The following SLC26A1 variants were observed in gnomAD, a reference collection of about 807,000 sequenced individuals.
The protein encoded by SLC26A1 is sulfate anion transporter 1.
Under a neutral mutation model 14.5 loss-of-function variants are expected in SLC26A1, and 18 were observed. That is an observed-to-expected ratio of 1.24 (90% confidence interval 0.86 to 1.84). The LOEUF is 1.84. Among genes scored for constraint, SLC26A1 ranks in the 40% most tolerant of loss-of-function variants. SLC26A1 has a pLI of 0.00. For missense variants in SLC26A1, 1,049 were observed against 1,020.0 expected (o/e 1.03, Z -0.39); for synonymous variants, 505 against 492.0 (o/e 1.03, Z -0.35).
At chr4:992,561 C>G (rs1414673611) in intron 1 of SLC26A1, among the ~76,000 whole-genome samples, 2 of 152,246 alleles carry the variant, frequency 1.3e-5, no homozygotes, top group African/African-American at 4.8e-5. Flanking sequence ...GCGTCTGTCT[C>G]CCCTGCCCAG....
downstream of SLC26A1, chr4:987,184 G>C (rs1713794298): frequency 6.8e-7 from 1 of 1,473,610 alleles, no homozygotes; most frequent in East Asian, 3.0e-5. Context: ...CCTGGTGCAT[G>C]TGGACGCGGC....
rs1286082764 is a variant in SLC26A1, at chr4:987,935, G to A, written c.*898C>T. On this transcript the variant is annotated 3_prime_UTR_variant, in exon 3 of 3. Transcript: ENST00000398516. Reference sequence around the variant, plus strand: ...AGGTCCGGACCCACTGGCTGCTGGAGCTTGTCACCACCAGGTGGGCGGCGG... The same window carrying A: ...AGGTCCGGACCCACTGGCTGCTGGAACTTGTCACCACCAGGTGGGCGGCGG... The A allele has an allele frequency of 6.3e-7, 1 of 1,588,426 alleles. No individual in the cohort carries two copies. The highest frequency in any genetic ancestry group is 1.3e-5 in the African/African-American group (1 of 74,438).
rs539829897 is a variant in SLC26A1 at position 979,375 on chromosome 4, G to C, written c.*31C>G. 1.1e-4 allele frequency: 130 copies of C among 1,237,028 alleles called. 1 individual carries two copies. Among genetic ancestry groups the C allele is most frequent in the Non-Finnish European group, 8.3e-5 (71 of 855,358 alleles). The allele number at this position is 1,237,028 out of a possible 1,614,324, so 76.6% of individuals were successfully genotyped here. On this transcript the variant is annotated 3_prime_UTR_variant, in exon 3 of 3. Coordinates refer to the SLC26A1 transcript ENST00000398520. Reference sequence around the variant, plus strand: ...GCTGGTGTGAGGGTCCCGCATTCTCGATGTCGTTGATGTCGGCATTTCCTG... The same window carrying C: ...GCTGGTGTGAGGGTCCCGCATTCTCCATGTCGTTGATGTCGGCATTTCCTG...
downstream of SLC26A1, among the ~76,000 whole-genome samples, chr4:985,247 C>T (rs867895412): frequency 3.9e-5 from 6 of 152,380 alleles, no homozygotes; most frequent in Admixed American, 1.3e-4. Flanking sequence ...AGCAGCGTGT[C>T]GCCATGTCTT....
chr4:981,254 C>T (rs915032620), intron 2 of SLC26A1, among the ~76,000 whole-genome samples: 1 of 152,244 alleles, frequency 6.6e-6, no homozygotes, highest in Non-Finnish European at 1.5e-5. Context: ...ACACGCAGTC[C>T]AGTATCTTTT....
At chr4:990,409 C>A in intron 2 of SLC26A1, 47 bp from the exon 3 acceptor site, 3 of 1,513,512 alleles carry the variant, frequency 2.0e-6, no homozygotes, top group Non-Finnish European at 2.7e-6. Context: ...GCGGGAGCCA[C>A]CTGCCCCTCA....
At chr4:987,144 G>A (rs10902762), downstream of SLC26A1, 601,388 of 1,407,440 alleles carry the variant, frequency 0.43, 130,017 homozygotes, top group Admixed American at 0.53. Flanking sequence ...TCCTGGCCGC[G>A]CCCCCGGTGG....
rs387907479 is a variant in SLC26A1 at position 989,430 on chromosome 4, G to A, written c.1509C>T (p.Gly503=). 6.4e-7 allele frequency: 1 copy of A among 1,554,730 alleles called. No individual in the cohort carries two copies. The part of the protein sequence containing the change: ...GVILSLLSLA[G]RTQRPRTALL... ...GGGCGGTGCGTGGGCGTTGGGTGCG[G>A]CCGGCCAGGCTGAGCAGCGAGAGGA... Residue 503 remains glycine (G), a synonymous_variant, in exon 3 of 3, where the codon GGC becomes GGT. Coordinates refer to ENST00000398516, the MANE Select transcript of SLC26A1 (RefSeq NM_022042.4).
In SLC26A1 at chr4:989,649, C is replaced by T. The variant is rs1282124158; in HGVS notation, c.1290G>A (p.Leu430=). The T allele has an allele frequency of 2.7e-5, 43 of 1,588,922 alleles. No homozygotes were observed. The Admixed American group carries it at 7.6e-4, about 28-fold the overall frequency. ...ATVVLLVLLA[L]APLFHDLQRS... ...GCTGTAGGTCGTGGAACAGCGGTGCCAGCGCCAGCAGCACCAGCAGCACCA... is the reference window on the plus strand; with the variant it reads ...GCTGTAGGTCGTGGAACAGCGGTGCTAGCGCCAGCAGCACCAGCAGCACCA... Residue 430 remains leucine (L), a synonymous_variant, in exon 3 of 3, where the codon CTG becomes CTA. Coordinates refer to ENST00000398516, the MANE Select transcript of SLC26A1 (RefSeq NM_022042.4).
intron 2 of SLC26A1, among the ~76,000 whole-genome samples, chr4:980,755 G>A (rs1713515470): frequency 6.6e-6 from 1 of 151,904 alleles, no homozygotes; most frequent in African/African-American, 2.4e-5. Context: ...CATTCTAGGG[G>A]GCAGCTTCCC....
chr4:990,617 C>A, intron 2 of SLC26A1: 2 of 531,104 alleles, frequency 3.8e-6, no homozygotes, highest in Non-Finnish European at 6.6e-6. Flanking sequence ...ACGTCTAACC[C>A]TTGTCACGTG....
At chr4:987,043 C>A, downstream of SLC26A1, 2 of 1,511,940 alleles carry the variant, frequency 1.3e-6, no homozygotes, top group Non-Finnish European at 8.8e-7. Context: ...GCGGAACCGG[C>A]AGTGCAGCCC....
chr4:986,921 C>T (rs1713758783), downstream of SLC26A1: 1 of 716,844 alleles, frequency 1.4e-6, no homozygotes, highest in South Asian at 1.5e-5. Context: ...TCCCGGCTCC[C>T]CGAGGCTCCC....
chr4:989,759 C>T lies in SLC26A1; in HGVS notation c.1180G>A (p.Ala394Thr), dbSNP rs774214260. 15 of 1,558,616 alleles carry T rather than the reference C, an allele frequency of 9.6e-6. No individual in the cohort carries two copies. The highest frequency in any genetic ancestry group is 1.7e-4 in the Middle Eastern group (1 of 5,790). Reference sequence around the variant, plus strand: ...CTCTTGGCCAGGGCGGCGCTGGTGGCGAAGCAGTGGAGGAAGGCGGGTAGC... The same window carrying T: ...CTCTTGGCCAGGGCGGCGCTGGTGGTGAAGCAGTGGAGGAAGGCGGGTAGC... ...NVLPAFLHCFATSAALAKSLV... is the reference protein window; with the variant it reads ...NVLPAFLHCFTTSAALAKSLV... Residue 394 changes from alanine (A) to threonine (T), a missense_variant, in exon 3 of 3, where the codon GCC (alanine) becomes ACC (threonine). By Grantham distance (58) the Ala-to-Thr change is moderately conservative (BLOSUM62 0). Coordinates refer to ENST00000398516, the MANE Select transcript of SLC26A1 (RefSeq NM_022042.4).
At chr4:984,429 T>C (rs1333840340), downstream of SLC26A1, among the ~76,000 whole-genome samples, 1 of 152,254 alleles carries the variant, frequency 6.6e-6, no homozygotes, top group East Asian at 1.9e-4. Flanking sequence ...CAGAGCAACT[T>C]TGGTTACAAA....
At position 988,528 on chromosome 4, in the gene SLC26A1, C is replaced by T; in HGVS notation, c.*305G>A. The T allele has an allele frequency of 8.2e-7, 1 of 1,212,612 alleles. No homozygotes were observed. The highest frequency in any genetic ancestry group is 1.0e-6 in the Non-Finnish European group (1 of 972,792). The allele number at this position is 1,212,612 out of a possible 1,614,324, so 75.1% of individuals were successfully genotyped here. A position where few individuals can be genotyped will look rare whatever the true frequency, so the allele number is the denominator to read the frequency against. On this transcript the variant is annotated 3_prime_UTR_variant, in exon 3 of 3. Coordinates refer to ENST00000398516, the MANE Select transcript of SLC26A1 (RefSeq NM_022042.4). ...GGGGACCCTTGTTCAAATAAGATGT[C>T]AACCCTGAGCGTCAGGTCAGGCCCA...
In SLC26A1 at chr4:989,951, G is replaced by T; in HGVS notation, c.988C>A (p.Pro330Thr). ...ATCAGCCTGGGCTCTGGGACCTGAGGGGGCATGAAACCCGTGGGGATGTCG... is the reference window on the plus strand; with the variant it reads ...ATCAGCCTGGGCTCTGGGACCTGAGTGGGCATGAAACCCGTGGGGATGTCG... The part of the protein sequence containing the change: ...AGDIPTGFMP[P>T]QVPEPRLMQR... The change falls in exon 3 of 3, where the codon CCT (proline) becomes ACT (threonine). Residue 330 changes from proline (P) to threonine (T), a missense_variant. By Grantham distance (38) the Pro-to-Thr change is conservative. Coordinates refer to ENST00000398516, the MANE Select transcript of SLC26A1 (RefSeq NM_022042.4). 2 of 1,556,310 alleles carry T rather than the reference G, an allele frequency of 1.3e-6. No individual in the cohort carries two copies. Among genetic ancestry groups the T allele is most frequent in the Non-Finnish European group, 1.7e-6 (2 of 1,151,488 alleles).
Position 989,683 on chromosome 4 carries a change from C to T in SLC26A1, c.1256G>A (p.Ser419Asn). The T allele has an allele frequency of 6.4e-7, 1 of 1,565,636 alleles. No individual in the cohort carries two copies. The highest frequency in any genetic ancestry group is 8.7e-7 in the Non-Finnish European group (1 of 1,156,022). ...GCRTQLSSVV[S>N]ATVVLLVLLA... The stretch of plus-strand genomic sequence containing the variant: ...CAGCACCAGCAGCACCACGGTGGCG[C>T]TGACCACGCTGGACAGCTGTGTCCG... The change falls in exon 3 of 3, where the codon AGC (serine) becomes AAC (asparagine). Residue 419 changes from serine (S) to asparagine (N), a missense_variant. By Grantham distance (46) the Ser-to-Asn change is conservative. Coordinates refer to ENST00000398516, the MANE Select transcript of SLC26A1 (RefSeq NM_022042.4).
exon 3 of SLC26A1, chr4:979,410 C>T (rs1331883483): frequency 2.0e-6 from 3 of 1,538,018 alleles, no homozygotes; most frequent in South Asian, 2.3e-5. Context: ...GTTAAATCAG[C>T]AAGATCTTTC....
Sources: allele counts gnomAD v4.1 joint callset (sites outside exome capture counted in the v4.1 genomes callset), GRCh38; gene constraint gnomAD v4.1.1; transcripts MANE v1.5; gene names NCBI Gene and HGNC (gene_info 2026-07-23, HGNC 2026-07-21).